The following IGSF21 variants were observed in gnomAD, a reference collection of about 807,000 sequenced individuals.
IGSF21 encodes the protein immunoglobulin superfamily member 21.
IGSF21 carries 28 observed loss-of-function variants against 46.8 expected under a neutral mutation model. The observed-to-expected ratio is 0.60, with a 90% CI of 0.44 to 0.82. IGSF21 has a LOEUF of 0.82. IGSF21 is among the 40% of genes least tolerant of loss of function. IGSF21 has a pLI of 0.00. For synonymous variants in IGSF21, 284 were observed against 273.6 expected (o/e 1.04, Z -0.38); for missense variants, 624 against 665.5 (o/e 0.94, Z 0.69).
intron 2 of IGSF21, among the ~76,000 whole-genome samples, chr1:18,231,596 T>C (rs1325434424): frequency 6.6e-6 from 1 of 152,190 alleles, no homozygotes; most frequent in Non-Finnish European, 1.5e-5. Context: ...CACACGTGGA[T>C]GTTAACATTT....
intron 1 of IGSF21, among the ~76,000 whole-genome samples, chr1:18,172,874 G>T (rs2086753101): frequency 6.6e-6 from 1 of 152,210 alleles, no homozygotes; most frequent in South Asian, 2.1e-4. Flanking sequence ...GCACTTTAAA[G>T]TGTGTGCTCT....
intron 1 of IGSF21, among the ~76,000 whole-genome samples, chr1:18,146,784 A>C (rs2086470570): frequency 6.6e-6 from 1 of 151,970 alleles, no homozygotes; most frequent in African/African-American, 2.4e-5. Context: ...ACGCTCTCCC[A>C]TCTCTGTCTT....
intron 3 of IGSF21, among the ~76,000 whole-genome samples, chr1:18,312,159 G>A (rs969441229): frequency 3.9e-5 from 6 of 152,256 alleles, no homozygotes. Context: ...AGTTTCCTCT[G>A]GTCTCCTGAT....
intron 4 of IGSF21, among the ~76,000 whole-genome samples, chr1:18,359,375 AAAGAAAGAAAGGAAGGAAGGAAGG>A (rs1325019817): frequency 6.2e-4 from 60 of 97,132 alleles, no homozygotes; most frequent in African/African-American, 2.4e-3. Context: ...AGAAAGAAAG[AAAGAAAGAAAGGAAGGAAGGAAGG>A]AAGGAAGGAA....
intron 3 of IGSF21, 90 bp downstream of exon 3, chr1:18,292,077 C>T (rs1388663427): frequency 7.4e-7 from 1 of 1,357,864 alleles, no homozygotes; most frequent in South Asian, 1.3e-5. Flanking sequence ...CCTTTCACAT[C>T]AATCCCTCGG....
chr1:18,248,920 G>A (rs756167197), intron 2 of IGSF21, among the ~76,000 whole-genome samples: 2 of 152,098 alleles, frequency 1.3e-5, no homozygotes, highest in Non-Finnish European at 2.9e-5. Flanking sequence ...AGCCAGACTC[G>A]AGTGGTCAAG....
chr1:18,161,260 C>T (rs953562773), intron 1 of IGSF21, among the ~76,000 whole-genome samples: 32 of 152,176 alleles, frequency 2.1e-4, no homozygotes, highest in Non-Finnish European at 4.6e-4. Context: ...AGCCAGCATT[C>T]ACACAATGCC....
chr1:18,200,920 C>T (rs1320602639), intron 1 of IGSF21, among the ~76,000 whole-genome samples: 2 of 152,174 alleles, frequency 1.3e-5, no homozygotes, highest in Admixed American at 6.5e-5. Context: ...TCCACCTTTG[C>T]TCTTCTGCTG....
intron 1 of IGSF21, among the ~76,000 whole-genome samples, chr1:18,202,599 G>C (rs1017190495): frequency 6.6e-6 from 1 of 152,122 alleles, no homozygotes; most frequent in African/African-American, 2.4e-5. Context: ...GAGAGAGAGA[G>C]CCAAGGGGGA....
chr1:18,206,787 A>G (rs4920461), intron 1 of IGSF21, among the ~76,000 whole-genome samples: 129,022 of 152,196 alleles, frequency 0.85, 54,857 homozygotes, highest in Non-Finnish European at 0.88. Flanking sequence ...GGAGCTACCT[A>G]AAGGCTTGGC....
intron 1 of IGSF21, among the ~76,000 whole-genome samples, chr1:18,164,093 G>A (rs4920303): frequency 0.67 from 102,083 of 151,978 alleles, 36,084 homozygotes; most frequent in Admixed American, 0.77. Context: ...TGATAGAACA[G>A]CATACTAGCT....
chr1:18,173,764 T>C (rs1343794546), intron 1 of IGSF21, among the ~76,000 whole-genome samples: 1 of 152,226 alleles, frequency 6.6e-6, no homozygotes, highest in Non-Finnish European at 1.5e-5. Context: ...TATGTATTTA[T>C]TTATTTGGAG....
chr1:18,271,368 G>A (rs755688422), intron 2 of IGSF21, among the ~76,000 whole-genome samples: 4 of 152,178 alleles, frequency 2.6e-5, no homozygotes, highest in Non-Finnish European at 5.9e-5. Flanking sequence ...ATGTTTCCCA[G>A]TTTTAACACA....
chr1:18,115,849 GAAAGAAAGA>G (rs1557543429), intron 1 of IGSF21: 142 of 80,120 alleles, frequency 1.8e-3, no homozygotes, highest in South Asian at 0.012. Context: ...AAGGAAGAAA[GAAAGAAAGA>G]AAGAAAGAAA....
chr1:18,132,751 C>T lies in IGSF21; in HGVS notation c.70+24553C>T, dbSNP rs573346019. Among the ~76,000 whole-genome samples the T allele has an allele frequency of 2.0e-5, 3 of 152,156 alleles. No homozygotes were observed. The East Asian group carries it at 5.8e-4, about 29-fold the overall frequency. ...CTTGGTGGGCAAGGGGGTGGGGGAC[C>T]GCTGCTGGGTTTAACAGGGTCTGCA... On this transcript the variant is annotated intron_variant, in intron 1 of 9. Coordinates refer to ENST00000251296, the MANE Select transcript of IGSF21 (RefSeq NM_032880.5).
intron 1 of IGSF21, among the ~76,000 whole-genome samples, chr1:18,217,886 G>A (rs796156734): frequency 7.2e-5 from 11 of 152,318 alleles, no homozygotes; most frequent in Admixed American, 1.3e-4. Flanking sequence ...GACACTATCC[G>A]ACAGGGTTGC....
At chr1:18,191,994 G>C (rs1453371769) in intron 1 of IGSF21, among the ~76,000 whole-genome samples, 1 of 152,158 alleles carries the variant, frequency 6.6e-6, no homozygotes, top group Admixed American at 6.5e-5. Context: ...CCTCCCTCCA[G>C]CCCTCCTGGG....
intron 2 of IGSF21, among the ~76,000 whole-genome samples, chr1:18,259,801 G>A (rs2084929616): frequency 6.6e-6 from 1 of 152,132 alleles, no homozygotes; most frequent in Non-Finnish European, 1.5e-5. Flanking sequence ...AAGAGATGAG[G>A]CCACAGCATG....
intron 1 of IGSF21, among the ~76,000 whole-genome samples, chr1:18,205,415 C>T (rs1012905159): frequency 4.6e-5 from 7 of 152,038 alleles, no homozygotes; most frequent in African/African-American, 1.2e-4. Flanking sequence ...ACCTTTCCAG[C>T]GAGAAAAATC....
Sources: allele counts gnomAD v4.1 joint callset (sites outside exome capture counted in the v4.1 genomes callset), GRCh38; gene constraint gnomAD v4.1.1; transcripts MANE v1.5; gene names NCBI Gene and HGNC (gene_info 2026-07-23, HGNC 2026-07-21).